The following MCM10 variants were observed in gnomAD, a reference collection of about 807,000 sequenced individuals.
The protein encoded by MCM10 is minichromosome maintenance 10 replication initiation factor, also known as protein MCM10 homolog.
MCM10 carries 91 observed loss-of-function variants against 109.9 expected under a neutral mutation model. That is an observed-to-expected ratio of 0.83 (90% CI 0.70 to 0.99). The LOEUF (loss-of-function observed/expected upper bound fraction) is 0.99, where lower values mean the gene tolerates loss of function less well. MCM10 is among the 50% of genes least tolerant of loss of function. MCM10 has a pLI of 0.00. For synonymous variants in MCM10, 380 were observed against 387.2 expected (o/e 0.98, Z 0.22); for missense variants, 1,077 against 1,061.2 (o/e 1.01, Z -0.21).
intron 8 of MCM10, among the ~76,000 whole-genome samples, chr10:13,185,291 G>T (rs1351569304): frequency 1.3e-5 from 2 of 152,318 alleles, no homozygotes; most frequent in Non-Finnish European, 2.9e-5. Flanking sequence ...AAGAGATCTT[G>T]TCCTAGGAGG....
intron 1 of MCM10, among the ~76,000 whole-genome samples, chr10:13,163,042 GCACTC>G (rs1267613133): frequency 6.6e-6 from 1 of 150,698 alleles, no homozygotes; most frequent in Non-Finnish European, 1.5e-5. Context: ...TCGCCCCATT[GCACTC>G]CAGCCTGGGT....
intron 18 of MCM10, among the ~76,000 whole-genome samples, chr10:13,206,781 G>T (rs1227184347): frequency 6.7e-6 from 1 of 149,548 alleles, no homozygotes; most frequent in Non-Finnish European, 1.5e-5. Context: ...TGTTTTTTCT[G>T]GACTTTTTGT....
chr10:13,199,641 G>T (rs1834469237), intron 16 of MCM10, among the ~76,000 whole-genome samples: 1 of 152,020 alleles, frequency 6.6e-6, no homozygotes, highest in Non-Finnish European at 1.5e-5. Flanking sequence ...ATATCCTAAT[G>T]CAAATAAGAA....
At chr10:13,161,770 G>C (rs1038301166) in intron 1 of MCM10, among the ~76,000 whole-genome samples, 164 bp downstream of exon 1, 1 of 152,222 alleles carries the variant, frequency 6.6e-6, no homozygotes, top group Non-Finnish European at 1.5e-5. Flanking sequence ...GGGACCGCTC[G>C]GAGCTGGCAT....
At position 13,182,840 on chromosome 10, in the gene MCM10, G is replaced by A. The variant is rs1260495760; in HGVS notation, c.931-93G>A. The A allele has an allele frequency of 4.3e-6, 4 of 933,612 alleles. No homozygotes were observed. The highest frequency in any genetic ancestry group is 1.7e-5 in the African/African-American group (1 of 60,036). The allele number at this position is 933,612 out of a possible 1,614,324, so 57.8% of individuals were successfully genotyped here. ...AAAAACTTGGATTTTATGGATTATA[G>A]GCATATAGTTTTCCATAGTAAAACT... On this transcript the variant is annotated intron_variant, in intron 7 of 19. Transcript: ENST00000378714. This position sits in a 1 kb window ranked among gnomAD's most constrained non-coding sequence, Gnocchi z 4.2.
intron 7 of MCM10, among the ~76,000 whole-genome samples, chr10:13,181,456 T>A (rs1834208395): frequency 6.6e-6 from 1 of 152,114 alleles, no homozygotes; most frequent in South Asian, 2.1e-4. Context: ...TTCTCACTTA[T>A]AAGTGGGAGC....
chr10:13,194,289 G>C (rs1834386979), intron 13 of MCM10, among the ~76,000 whole-genome samples: 1 of 152,202 alleles, frequency 6.6e-6, no homozygotes, highest in Admixed American at 6.5e-5. Flanking sequence ...CCTGAGCCTG[G>C]GAGGCAGAGG....
chr10:13,192,147 G>T (rs962989700), intron 11 of MCM10, 108 bp from the exon 12 acceptor site: 18 of 670,138 alleles, frequency 2.7e-5, no homozygotes, highest in Middle Eastern at 8.0e-4. Flanking sequence ...CGTCTTCTTC[G>T]TTTACGTATG....
chr10:13,196,127 T>C (rs570777463), intron 14 of MCM10, among the ~76,000 whole-genome samples: 1 of 152,140 alleles, frequency 6.6e-6, no homozygotes, highest in East Asian at 1.9e-4. Flanking sequence ...CAAGCTGGTC[T>C]TGCACTCCTG....
chr10:13,184,050 G>A (rs566504249), intron 8 of MCM10, among the ~76,000 whole-genome samples: 72 of 152,066 alleles, frequency 4.7e-4, no homozygotes, highest in African/African-American at 1.7e-3. Flanking sequence ...TTAGAGACGA[G>A]TTTTACCATG....
rs531743780 is a variant in MCM10, at chr10:13,193,026, C to T, written c.1745+458C>T. ...TTGGCCTCCCAAGTAGTTGGGACTA[C>T]AGGCATGTGCCACTATGCTTGGCTA... On this transcript the variant is annotated intron_variant, in intron 13 of 19. Transcript: ENST00000378714. Among the ~76,000 whole-genome samples, 270 of 152,216 alleles carry T rather than the reference C, an allele frequency of 1.8e-3. 1 individual carries two copies. The highest frequency in any genetic ancestry group is 6.4e-3 in the African/African-American group (266 of 41,538).
In MCM10 at chr10:13,183,064, T is replaced by C; in HGVS notation, c.1062T>C (p.Asn354=). The change falls in exon 8 of 20, where the codon AAT becomes AAC. Residue 354 remains asparagine, a synonymous_variant. Transcript: ENST00000378714. ...AGGGGACTGTCGTAGGGATCCTCAATGCCAACCCCATGAAGCCCAAGGATG... is the reference window on the plus strand; with the variant it reads ...AGGGGACTGTCGTAGGGATCCTCAACGCCAACCCCATGAAGCCCAAGGATG... ...TEQGTVVGIL[N]ANPMKPKDGS... 1 of 1,614,156 alleles carries C rather than the reference T, an allele frequency of 6.2e-7. No individual in the cohort carries two copies.
chr10:13,192,089 G>A (rs1045887489), intron 11 of MCM10, among the ~76,000 whole-genome samples, 166 bp from the exon 12 acceptor site: 2 of 152,180 alleles, frequency 1.3e-5, no homozygotes, highest in Admixed American at 1.3e-4. Context: ...GCCATCCTAT[G>A]AGTCTGATGA....
At chr10:13,186,405 T>C (rs1834275245) in intron 9 of MCM10, 125 bp downstream of exon 9, 2 of 604,982 alleles carry the variant, frequency 3.3e-6, no homozygotes. Context: ...AGAGTCAAAA[T>C]GAGAAAATTT....
At chr10:13,205,612 T>C (rs1213361246) in intron 18 of MCM10, among the ~76,000 whole-genome samples, 2 of 152,228 alleles carry the variant, frequency 1.3e-5, no homozygotes, top group African/African-American at 4.8e-5. Context: ...ATGTTTTCTA[T>C]ATGAGGTTGT....
intron 6 of MCM10, among the ~76,000 whole-genome samples, chr10:13,178,435 G>T (rs1022076665): frequency 3.9e-5 from 6 of 152,196 alleles, no homozygotes; most frequent in Non-Finnish European, 8.8e-5. Flanking sequence ...GAGAGATAGG[G>T]ATCTAGTTTC....
At chr10:13,204,701 A>C (rs566019608) in intron 18 of MCM10, among the ~76,000 whole-genome samples, 98 of 152,140 alleles carry the variant, frequency 6.4e-4, no homozygotes, top group African/African-American at 2.3e-3. Context: ...CCTCTCTCCA[A>C]AGAGTTATTT....
In MCM10 at chr10:13,209,410, G is replaced by T. The variant is rs533522769; in HGVS notation, c.*100G>T. The stretch of plus-strand genomic sequence containing the variant: ...TGTCCATTGATTCCTGATTGACGCC[G>T]TCAAAAACAAATGCTTGTTAAGCCC... On this transcript the variant is annotated 3_prime_UTR_variant, in exon 20 of 20. Transcript: ENST00000378714. 1.1e-6 allele frequency: 1 copy of T among 930,032 alleles called. No homozygotes were observed. Among genetic ancestry groups the T allele is most frequent in the Non-Finnish European group, 1.7e-6 (1 of 592,704 alleles). The allele number at this position is 930,032 out of a possible 1,614,324, so 57.6% of individuals were successfully genotyped here. A position where few individuals can be genotyped will look rare whatever the true frequency, so the allele number is the denominator to read the frequency against.
chr10:13,203,496 T>G (rs1407914052), intron 17 of MCM10, among the ~76,000 whole-genome samples: 1 of 152,130 alleles, frequency 6.6e-6, no homozygotes, highest in Non-Finnish European at 1.5e-5. Context: ...CACTCACAGT[T>G]TCGGGGAGTA....
Sources: gnomAD v4.1 joint callset for allele counts (sites outside exome capture counted in the v4.1 genomes callset) on GRCh38, gnomAD v4.1.1 for gene constraint, Gnocchi (gnomAD v3.1) non-coding constraint, MANE v1.5 for transcripts, NCBI Gene and HGNC (gene_info 2026-07-23, HGNC 2026-07-21) for gene names.